Variants in DSCAM observed in about 807,000 individuals in gnomAD.
DSCAM encodes DS cell adhesion molecule.
Under a neutral mutation model 217.7 loss-of-function variants are expected in DSCAM, and 47 were observed. That is an observed-to-expected ratio of 0.22 (90% CI 0.17 to 0.28). The LOEUF is 0.28. Among genes scored for constraint, DSCAM ranks in the 10% least tolerant of loss-of-function variants. The pLI is 1.00. For synonymous variants in DSCAM, 1,056 were observed against 1,015.3 expected (o/e 1.04, Z -0.76); for missense variants, 2,080 against 2,618.3 (o/e 0.79, Z 4.49).
intron 3 of DSCAM, among the ~76,000 whole-genome samples, chr21:40,422,129 C>T (rs1372595591): frequency 6.6e-6 from 1 of 152,226 alleles, no homozygotes; most frequent in East Asian, 1.9e-4. Context: ...TCAATTACTA[C>T]ACTCTTTTCT....
chr21:40,677,031 A>G (rs2090347712), intron 3 of DSCAM, among the ~76,000 whole-genome samples: 1 of 152,188 alleles, frequency 6.6e-6, no homozygotes, highest in South Asian at 2.1e-4. Flanking sequence ...AACAATGCTG[A>G]GAACTAAAAA....
intron 1 of DSCAM, among the ~76,000 whole-genome samples, chr21:40,743,010 G>T (rs1266383840): frequency 6.6e-6 from 1 of 152,118 alleles, no homozygotes; most frequent in African/African-American, 2.4e-5. Flanking sequence ...TTTCCAAAAG[G>T]TACTTTTCAC....
intron 16 of DSCAM, among the ~76,000 whole-genome samples, chr21:40,145,957 TATAC>T (rs1184400741): frequency 7.9e-6 from 1 of 126,928 alleles, no homozygotes. Context: ...TGCGTGTATG[TATAC>T]ATACACACAT....
rs189137682 is a variant in DSCAM, at chr21:40,399,830, A to G, written c.509-30585T>C. On this transcript the variant is annotated intron_variant, in intron 3 of 32. Coordinates refer to ENST00000400454, the MANE Select transcript of DSCAM (RefSeq NM_001389.5). ...AAACCTCACACTGCCCTTAAGAGGT[A>G]CGTAAAATAATTATATCCATTCCTT... 1.4e-4 allele frequency among the ~76,000 whole-genome samples: 22 copies of G among 152,378 alleles called. No individual in the cohort carries two copies. In the East Asian group the frequency reaches 4.0e-3, roughly 28 times the overall value.
intron 11 of DSCAM, among the ~76,000 whole-genome samples, chr21:40,203,854 G>T (rs1176749519): frequency 6.6e-6 from 1 of 152,062 alleles, no homozygotes; most frequent in Non-Finnish European, 1.5e-5. Context: ...TTAAGATAAT[G>T]GGATCATACA....
At position 40,051,964 on chromosome 21, in the gene DSCAM, C is replaced by G. The variant is rs1184698705; in HGVS notation, c.5179G>C (p.Gly1727Arg). ...AGCATTGTTGACCACTCACTCGTTC[C>G]CGGCCGAGCGTCTGAAACATCCACT... ...PLVDVSDARP[G>R]TNPTTRRNAK... The change falls in exon 30 of 33, where the codon GGA becomes CGA. Residue 1727 changes from glycine to arginine, a missense_variant. Coordinates refer to ENST00000400454, the MANE Select transcript of DSCAM (RefSeq NM_001389.5). The G allele has an allele frequency of 6.2e-7, 1 of 1,612,332 alleles. No individual in the cohort carries two copies. The highest frequency in any genetic ancestry group is 1.1e-5 in the South Asian group (1 of 90,728).
chr21:40,491,146 G>T (rs575178501), intron 3 of DSCAM, among the ~76,000 whole-genome samples: 1 of 152,022 alleles, frequency 6.6e-6, no homozygotes, highest in African/African-American at 2.4e-5. Context: ...ATTTAATTAC[G>T]AACACTTCAA....
At chr21:40,127,362 G>A (rs1321711926) in intron 19 of DSCAM, among the ~76,000 whole-genome samples, 1 of 152,180 alleles carries the variant, frequency 6.6e-6, no homozygotes, top group Non-Finnish European at 1.5e-5. Flanking sequence ...GTATATGTCT[G>A]TCTGGGACAT....
chr21:40,607,478 T>C (rs1349674771), intron 3 of DSCAM, among the ~76,000 whole-genome samples: 1 of 151,918 alleles, frequency 6.6e-6, no homozygotes, highest in Non-Finnish European at 1.5e-5. Context: ...ATATTCTTTC[T>C]TTAGGGGAAA....
At chr21:40,217,386 T>C (rs926361934) in intron 11 of DSCAM, among the ~76,000 whole-genome samples, 4 of 152,214 alleles carry the variant, frequency 2.6e-5, no homozygotes, top group African/African-American at 9.6e-5. Flanking sequence ...CATATATGTA[T>C]ACATATACTT....
chr21:40,533,619 A>AACCC (rs2076470453), intron 3 of DSCAM, among the ~76,000 whole-genome samples: 1 of 149,984 alleles, frequency 6.7e-6, no homozygotes, highest in African/African-American at 2.5e-5. Context: ...CCATCCATCC[A>AACCC]TCCATCCAAC....
chr21:40,515,370 T>C (rs924501905), intron 3 of DSCAM, among the ~76,000 whole-genome samples: 6 of 152,154 alleles, frequency 3.9e-5, no homozygotes, highest in African/African-American at 1.2e-4. Flanking sequence ...AGTTGCCTCA[T>C]TTTCTCCACT....
rs187008380 is a variant in DSCAM at position 40,144,223 on chromosome 21, A to G, written c.3259+268T>C. 3.3e-5 allele frequency among the ~76,000 whole-genome samples: 5 copies of G among 152,352 alleles called. No individual in the cohort carries two copies. The highest frequency in any genetic ancestry group is 6.5e-5 in the Admixed American group (1 of 15,304). On this transcript the variant is annotated intron_variant, in intron 17 of 32. Transcript: ENST00000400454. This position sits in a 1 kb window ranked among gnomAD's most constrained non-coding sequence, Gnocchi z 4.8. ...GAGAGAGCCTTGTTTTCACTCCAGA[A>G]AAGCCCAATTCTTGTACCTGAAATG...
At chr21:40,548,055 G>A (rs2076598013) in intron 3 of DSCAM, among the ~76,000 whole-genome samples, 1 of 152,156 alleles carries the variant, frequency 6.6e-6, no homozygotes, top group Admixed American at 6.5e-5. Flanking sequence ...GGAGGAGCGG[G>A]GAGAGAGCCG....
chr21:40,092,159 G>T (rs1390302469), intron 21 of DSCAM, among the ~76,000 whole-genome samples: 3 of 152,032 alleles, frequency 2.0e-5, no homozygotes, highest in African/African-American at 7.2e-5. Context: ...TTCCGTATCT[G>T]GCTCATGAAA....
At chr21:40,340,464 T>A (rs2123596793) in intron 6 of DSCAM, among the ~76,000 whole-genome samples, 1 of 152,246 alleles carries the variant, frequency 6.6e-6, no homozygotes, top group East Asian at 1.9e-4. Flanking sequence ...TGTATGAAAA[T>A]CAGAAGAAAA....
rs921669326 is a variant in DSCAM, at chr21:40,011,657, C to G, written c.*1377G>C. The G allele has an allele frequency of 3.9e-5, 6 of 152,064 alleles. No homozygotes were observed. Among genetic ancestry groups the G allele is most frequent in the African/African-American group, 1.4e-4 (6 of 41,394 alleles). The allele number at this position is 152,064 out of a possible 1,614,324, so 9.4% of individuals were successfully genotyped here. A position where few individuals can be genotyped will look rare whatever the true frequency, so the allele number is the denominator to read the frequency against. Reference sequence around the variant, plus strand: ...GGTTGTGGGATAAAGAATGCAGTTCCGACTATTTATGAGTAAATTCTCTCT... The same window carrying G: ...GGTTGTGGGATAAAGAATGCAGTTCGGACTATTTATGAGTAAATTCTCTCT... On this transcript the variant is annotated 3_prime_UTR_variant, in exon 33 of 33. Coordinates refer to ENST00000400454, the MANE Select transcript of DSCAM (RefSeq NM_001389.5).
At chr21:40,407,428 G>A (rs1202761848) in intron 3 of DSCAM, among the ~76,000 whole-genome samples, 2 of 152,166 alleles carry the variant, frequency 1.3e-5, no homozygotes, top group Non-Finnish European at 2.9e-5. Context: ...CCTTAAATCT[G>A]GGATGGCTTT....
At chr21:40,731,017 C>T (rs1249138452) in intron 1 of DSCAM, among the ~76,000 whole-genome samples, 1 of 152,106 alleles carries the variant, frequency 6.6e-6, no homozygotes, top group Non-Finnish European at 1.5e-5. Context: ...AAATAATTTA[C>T]ATATTTATTG....
Sources: allele counts gnomAD v4.1 joint callset (sites outside exome capture counted in the v4.1 genomes callset), GRCh38; gene constraint gnomAD v4.1.1; non-coding constraint Gnocchi (gnomAD v3.1); transcripts MANE v1.5; gene names NCBI Gene and HGNC (gene_info 2026-07-23, HGNC 2026-07-21).